Variants in CAMTA1 observed in about 807,000 individuals in gnomAD.
CAMTA1 encodes the protein calmodulin binding transcription activator 1, also known as calmodulin-binding transcription activator 1.
A neutral mutation model predicts 170.9 loss-of-function variants in CAMTA1; 27 were observed. The ratio of observed to expected loss-of-function variants is 0.16; its 90% CI spans 0.12 to 0.22. The LOEUF (loss-of-function observed/expected upper bound fraction) is 0.22. Ranked by LOEUF, CAMTA1 falls within the 10% of genes least tolerant of loss-of-function variation. The pLI is 1.00. For synonymous variants in CAMTA1, 833 were observed against 891.5 expected (o/e 0.93, Z 1.17); for missense variants, 1,619 against 2,217.2 (o/e 0.73, Z 5.42).
chr1:7,259,567 A>T (rs1019888605), intron 5 of CAMTA1, among the ~76,000 whole-genome samples: 16 of 152,240 alleles, frequency 1.1e-4, no homozygotes, highest in African/African-American at 3.1e-4. Flanking sequence ...GTCCTGCCTC[A>T]GTGCCTTGCC....
Position 7,569,056 on chromosome 1 carries a change from A to G in CAMTA1, c.511-71344A>G, listed in dbSNP as rs1264088874. Among the ~76,000 whole-genome samples, 4 of 148,690 alleles carry G rather than the reference A, an allele frequency of 2.7e-5. No individual in the cohort carries two copies. The East Asian group carries it at 8.2e-4, about 30-fold the overall frequency. Reference sequence around the variant, plus strand: ...ACCATCATCACCACCATCATTCTCCATCATCATCATTACCACCACCATCAT... The same window carrying G: ...ACCATCATCACCACCATCATTCTCCGTCATCATCATTACCACCACCATCAT... On this transcript the variant is annotated intron_variant, in intron 6 of 22. Coordinates refer to ENST00000303635, the MANE Select transcript of CAMTA1 (RefSeq NM_015215.4).
chr1:7,196,078 A>C (rs1014042545), intron 4 of CAMTA1, among the ~76,000 whole-genome samples: 5 of 152,154 alleles, frequency 3.3e-5, no homozygotes, highest in East Asian at 3.9e-4. Context: ...CTCACATTGA[A>C]TGAGAGGAGG....
chr1:7,533,926 TGAAAA>T (rs1336774216), intron 6 of CAMTA1, among the ~76,000 whole-genome samples: 4 of 151,238 alleles, frequency 2.6e-5, no homozygotes, highest in Non-Finnish European at 4.4e-5. Context: ...CAAAAAAAAA[TGAAAA>T]GAAAAAAAGA....
rs553173614 is a variant in CAMTA1, at chr1:7,743,415, C to T, written c.4183-1420C>T. Among the ~76,000 whole-genome samples the T allele has an allele frequency of 6.6e-5, 10 of 152,184 alleles. No individual in the cohort carries two copies. The South Asian group carries it at 2.1e-3, about 32-fold the overall frequency. On this transcript the variant is annotated intron_variant, in intron 16 of 22. Coordinates refer to ENST00000303635, the MANE Select transcript of CAMTA1 (RefSeq NM_015215.4). ...TAGTAAACATATACAGCTGAGCAACCATCACCATAGTCCCTTTCTAGAACA... is the reference window on the plus strand; with the variant it reads ...TAGTAAACATATACAGCTGAGCAACTATCACCATAGTCCCTTTCTAGAACA...
At chr1:6,998,588 CT>C (rs1697697708) in intron 3 of CAMTA1, among the ~76,000 whole-genome samples, 1 of 152,230 alleles carries the variant, frequency 6.6e-6, no homozygotes, top group Non-Finnish European at 1.5e-5. Context: ...TCCCCATGCA[CT>C]TTGCCTTCTC....
chr1:7,339,183 T>G (rs1011293531), intron 5 of CAMTA1, among the ~76,000 whole-genome samples: 40 of 152,338 alleles, frequency 2.6e-4, no homozygotes, highest in African/African-American at 9.4e-4. Flanking sequence ...AAAGTAAGTT[T>G]ACAATGTTCT....
At chr1:7,413,027 G>T (rs1400598749) in intron 5 of CAMTA1, among the ~76,000 whole-genome samples, 1 of 150,480 alleles carries the variant, frequency 6.6e-6, no homozygotes, top group Non-Finnish European at 1.5e-5. Context: ...TTTCCCCATT[G>T]CTTGTTTTTC....
intron 6 of CAMTA1, among the ~76,000 whole-genome samples, chr1:7,485,375 G>A (rs982363994): frequency 6.6e-6 from 1 of 152,210 alleles, no homozygotes; most frequent in African/African-American, 2.4e-5. Flanking sequence ...CGTGCTCCCT[G>A]CCACATGCTG....
intron 3 of CAMTA1, among the ~76,000 whole-genome samples, chr1:6,832,089 A>ATT (rs879893784): frequency 6.9e-6 from 1 of 144,840 alleles, no homozygotes. Flanking sequence ...ATTTTTTTTT[A>ATT]TTTTTTTTTT....
At position 7,547,906 on chromosome 1, in the gene CAMTA1, G is replaced by GC. The variant is rs1404038494; in HGVS notation, c.510+80008dup. ...GGACCCCCCACTCACCCGTCAATAT[G>GC]CCCTTATGCTGTTGTAAGGAGGATT... On this transcript the variant is annotated intron_variant, in intron 6 of 22. Transcript: ENST00000303635. This position sits in a 1 kb window ranked among gnomAD's most constrained non-coding sequence, Gnocchi z 5.7. Among the ~76,000 whole-genome samples the GC allele has an allele frequency of 6.6e-6, 1 of 152,062 alleles. No individual in the cohort carries two copies. The highest frequency in any genetic ancestry group is 1.5e-5 in the Non-Finnish European group (1 of 68,016).
intron 5 of CAMTA1, among the ~76,000 whole-genome samples, chr1:7,457,016 C>A (rs2092970062): frequency 6.8e-6 from 1 of 148,032 alleles, no homozygotes; most frequent in African/African-American, 2.5e-5. Flanking sequence ...CATTCTTCCT[C>A]CCTCCCTTCC....
intron 6 of CAMTA1, among the ~76,000 whole-genome samples, chr1:7,538,955 G>A (rs2094578824): frequency 6.8e-6 from 1 of 147,724 alleles, no homozygotes; most frequent in African/African-American, 2.5e-5. Context: ...CTTCTAGCAT[G>A]TCCTGGCCAG....
rs1017516618 is a variant in CAMTA1, at chr1:7,221,126, G to T, written c.303-28365G>T. Among the ~76,000 whole-genome samples, 4 of 152,344 alleles carry T rather than the reference G, an allele frequency of 2.6e-5. No individual in the cohort carries two copies. In the East Asian group the frequency reaches 7.7e-4, roughly 29 times the overall value. On this transcript the variant is annotated intron_variant, in intron 4 of 22. Coordinates refer to ENST00000303635, the MANE Select transcript of CAMTA1 (RefSeq NM_015215.4). ...GAACCCATCCCCTGGAACGCTGGAG[G>T]CAGTGCAGGAAGGGCCGGGTTCTAT...
chr1:7,207,709 C>T (rs763140277), intron 4 of CAMTA1, among the ~76,000 whole-genome samples: 1 of 152,162 alleles, frequency 6.6e-6, no homozygotes, highest in Admixed American at 6.5e-5. Flanking sequence ...AAACCACCGG[C>T]TCTGTGCTTC....
intron 5 of CAMTA1, among the ~76,000 whole-genome samples, chr1:7,359,437 C>A (rs935911046): frequency 2.0e-5 from 3 of 152,274 alleles, no homozygotes; most frequent in African/African-American, 7.2e-5. Flanking sequence ...CTCTTTGGTG[C>A]CCTTTACATT....
intron 1 of CAMTA1, among the ~76,000 whole-genome samples, chr1:6,800,082 G>T (rs925406587): frequency 2.0e-5 from 3 of 152,026 alleles, no homozygotes; most frequent in Non-Finnish European, 4.4e-5. Context: ...AATTTTTTAG[G>T]TCTGTCTGTT....
At chr1:7,062,269 T>C (rs947397432) in intron 3 of CAMTA1, among the ~76,000 whole-genome samples, 1 of 152,186 alleles carries the variant, frequency 6.6e-6, no homozygotes, top group African/African-American at 2.4e-5. Context: ...CACCTTTGTC[T>C]AGAATGGGTT....
At chr1:7,202,273 T>C (rs1309658671) in intron 4 of CAMTA1, among the ~76,000 whole-genome samples, 1 of 152,240 alleles carries the variant, frequency 6.6e-6, no homozygotes, top group Non-Finnish European at 1.5e-5. Context: ...AGTACCACAT[T>C]GTCTTGATTA....
intron 10 of CAMTA1, among the ~76,000 whole-genome samples, chr1:7,676,103 C>T (rs967883310): frequency 2.6e-5 from 4 of 152,336 alleles, no homozygotes; most frequent in East Asian, 3.9e-4. Context: ...GAGCGGGCTC[C>T]GATGGGTGTA....
Sources: gnomAD v4.1 joint callset for allele counts (sites outside exome capture counted in the v4.1 genomes callset) on GRCh38, gnomAD v4.1.1 for gene constraint, Gnocchi (gnomAD v3.1) non-coding constraint, MANE v1.5 for transcripts, NCBI Gene and HGNC (gene_info 2026-07-23, HGNC 2026-07-21) for gene names.